JAK2: variants seen among roughly 807,000 people sequenced by gnomAD.
JAK2 encodes the protein Janus kinase 2.
Under a neutral mutation model 139.3 loss-of-function variants are expected in JAK2, and 86 were observed. The observed-to-expected ratio is 0.62, with a 90% CI of 0.52 to 0.74. JAK2 has a LOEUF of 0.74. Among genes scored for constraint, JAK2 ranks in the 30% least tolerant of loss-of-function variants. The probability of loss-of-function intolerance (pLI) is 0.00; values close to 1 mark genes in which losing one functional copy is unlikely to be tolerated. For synonymous variants in JAK2, 490 were observed against 437.7 expected, an observed-to-expected ratio of 1.12 and a Z score of -1.49; for missense variants, 1,421 against 1,360.3, an observed-to-expected ratio of 1.04 and a Z score of -0.70.
chr9:5,032,825 A>G (rs950819367), intron 4 of JAK2, among the ~76,000 whole-genome samples: 1 of 152,218 alleles, frequency 6.6e-6, no homozygotes, highest in Non-Finnish European at 1.5e-5. Flanking sequence ...TGGAAACTCT[A>G]AAAATGAGAG....
intron 14 of JAK2, 138 bp from the exon 15 acceptor site, chr9:5,077,315 T>G (rs1819372453): frequency 1.0e-5 from 3 of 299,692 alleles, no homozygotes; most frequent in Non-Finnish European, 1.8e-5. Flanking sequence ...ATCCATTAAG[T>G]TTTCTTTAAA....
chr9:5,069,501 A>C (rs925776800), intron 11 of JAK2, among the ~76,000 whole-genome samples: 1 of 152,162 alleles, frequency 6.6e-6, no homozygotes, highest in Non-Finnish European at 1.5e-5. Flanking sequence ...TGTTGTTTTA[A>C]GTAAAAATTT....
intron 23 of JAK2, among the ~76,000 whole-genome samples, chr9:5,125,714 T>C (rs1823940354): frequency 3.0e-5 from 2 of 66,480 alleles, no homozygotes; most frequent in African/African-American, 1.2e-4. Flanking sequence ...TATATATATT[T>C]TAATTTCCAT....
At chr9:5,102,277 A>T (rs1393663056) in intron 22 of JAK2, among the ~76,000 whole-genome samples, 1 of 152,196 alleles carries the variant, frequency 6.6e-6, no homozygotes, top group Non-Finnish European at 1.5e-5. Context: ...GATCAAGTGG[A>T]AGAAAGGGTA....
intron 2 of JAK2, among the ~76,000 whole-genome samples, chr9:4,999,700 T>C (rs1043813448): frequency 6.6e-6 from 1 of 152,048 alleles, no homozygotes; most frequent in African/African-American, 2.4e-5. Flanking sequence ...CCACCCATCT[T>C]GGCCTCCCAA....
rs940001947 is a variant in JAK2 at position 4,985,438 on chromosome 9, A to C, written c.-301A>C. ...TCGGGGCTGAGGGCTGCTGCGGCGCAGGGAGAGGCCTGGTCCTCGCTGCCG... is the reference window on the plus strand; with the variant it reads ...TCGGGGCTGAGGGCTGCTGCGGCGCCGGGAGAGGCCTGGTCCTCGCTGCCG... On this transcript the variant is annotated 5_prime_UTR_variant, in exon 1 of 25. Coordinates refer to ENST00000381652, the MANE Select transcript of JAK2 (RefSeq NM_004972.4). 1.3e-5 allele frequency: 2 copies of C among 152,462 alleles called. No homozygotes were observed. Among genetic ancestry groups the C allele is most frequent in the African/African-American group, 4.8e-5 (2 of 41,450 alleles). 9.4% of individuals were successfully genotyped at this position (152,462 alleles called of 1,614,324 possible). A position where few individuals can be genotyped will look rare whatever the true frequency, so the allele number is the denominator to read the frequency against.
chr9:5,057,628 G>C (rs577272897), intron 8 of JAK2, among the ~76,000 whole-genome samples: 6 of 144,200 alleles, frequency 4.2e-5, no homozygotes, highest in African/African-American at 1.6e-4. Flanking sequence ...TGTCATCCAG[G>C]CTGGAGCACA....
chr9:5,080,175 A>C, intron 16 of JAK2, 54 bp from the exon 17 acceptor site: 2 of 1,303,204 alleles, frequency 1.5e-6, no homozygotes, highest in Non-Finnish European at 2.1e-6. Flanking sequence ...TACATATAAA[A>C]GATTGGTTTA....
In JAK2 at chr9:5,129,553, A is replaced by G. The variant is rs115472299; in HGVS notation, c.*2762A>G. ...TGTACTAAGAATCAGTTTGCTGTAT[A>G]TTAGAATAAATAGTAACAGTAAGTC... On this transcript the variant is annotated 3_prime_UTR_variant, in exon 25 of 25. Coordinates refer to ENST00000381652, the MANE Select transcript of JAK2 (RefSeq NM_004972.4). 5.4e-4 allele frequency among the ~76,000 whole-genome samples: 82 copies of G among 152,276 alleles called. No individual in the cohort carries two copies. Among genetic ancestry groups the G allele is most frequent in the African/African-American group, 1.8e-3 (75 of 41,576 alleles).
intron 12 of JAK2, among the ~76,000 whole-genome samples, chr9:5,071,304 T>C (rs1818935644): frequency 6.6e-6 from 1 of 152,040 alleles, no homozygotes; most frequent in African/African-American, 2.4e-5. Context: ...AAGGAAATAA[T>C]GCAGGATTAA....
intron 2 of JAK2, among the ~76,000 whole-genome samples, chr9:5,001,489 T>G (rs1397291917): frequency 6.6e-6 from 1 of 152,194 alleles, no homozygotes; most frequent in Non-Finnish European, 1.5e-5. Flanking sequence ...TAAATTGCAT[T>G]GATTCATTTT....
rs536754672 is a variant in JAK2 at position 5,052,463 on chromosome 9, T to G, written c.614+1632T>G. Among the ~76,000 whole-genome samples, 5 of 152,218 alleles carry G rather than the reference T, an allele frequency of 3.3e-5. No homozygotes were observed. The South Asian group carries it at 8.3e-4, about 25-fold the overall frequency. ...GTAGATATTAAACATTCATATAAGA[T>G]TCCATGATATTTTAAAAGAGTTTAT... On this transcript the variant is annotated intron_variant, in intron 6 of 24. Coordinates refer to ENST00000381652, the MANE Select transcript of JAK2 (RefSeq NM_004972.4).
Position 5,074,225 on chromosome 9 carries a change from T to G in JAK2, c.1864+440T>G, listed in dbSNP as rs145722286. Among the ~76,000 whole-genome samples the G allele has an allele frequency of 3.6e-3, 541 of 152,262 alleles. 3 individuals carry two copies. Among genetic ancestry groups the G allele is most frequent in the Middle Eastern group, 0.014 (4 of 294 alleles). ...TACTAGATATATTTTTTGGCTAAAT[T>G]TAGGTGTTCACAGAAACTACTAAAA... On this transcript the variant is annotated intron_variant, in intron 14 of 24. Transcript: ENST00000381652.
In JAK2 at chr9:5,090,514, CAT is replaced by C; in HGVS notation, c.2832_2833del (p.His944GlnfsTer47). On this transcript the variant is annotated frameshift_variant, in exon 21 of 25. Transcript: ENST00000381652. LOFTEE classifies it high-confidence loss of function. ...AAGTTTACGAGACTATCTTCAAAAACATAAAGAACGGATAGATCACATAAAAC... is the reference window on the plus strand; with the variant it reads ...AAGTTTACGAGACTATCTTCAAAAACAAAGAACGGATAGATCACATAAAAC... ...YGSLRDYLQK[H>X]KERIDHIKLL... 2 of 1,591,888 alleles carry C rather than the reference CAT, an allele frequency of 1.3e-6. No individual in the cohort carries two copies. Among genetic ancestry groups the C allele is most frequent in the Non-Finnish European group, 1.7e-6 (2 of 1,168,574 alleles).
At chr9:5,053,397 A>G (rs1052683189) in intron 6 of JAK2, among the ~76,000 whole-genome samples, 3 of 152,038 alleles carry the variant, frequency 2.0e-5, no homozygotes, top group Non-Finnish European at 2.9e-5. Context: ...AATCATATTT[A>G]TGATTTGCCA....
chr9:5,086,005 G>A (rs146861108), intron 19 of JAK2: 3 of 839,248 alleles, frequency 3.6e-6, no homozygotes, highest in African/African-American at 3.3e-5. Context: ...TGATGAAACT[G>A]TGATATACTA....
intron 22 of JAK2, 42 bp from the exon 23 acceptor site, chr9:5,122,962 T>C (rs1217552921): frequency 1.6e-6 from 2 of 1,272,902 alleles, no homozygotes; most frequent in Non-Finnish European, 2.2e-6. Context: ...AGAGTCCACA[T>C]ATCAAGTAAC....
intron 22 of JAK2, chr9:5,107,930 T>TA (rs1822104447): frequency 6.6e-6 from 1 of 152,174 alleles, no homozygotes; most frequent in South Asian, 2.1e-4. Context: ...ACTTCAGTGC[T>TA]AAAAATTATT....
Position 5,127,281 on chromosome 9 carries a change from T to G in JAK2, c.*490T>G, listed in dbSNP as rs982886865. 1 of 232,550 alleles carries G rather than the reference T, an allele frequency of 4.3e-6. No homozygotes were observed. The highest frequency in any genetic ancestry group is 2.2e-5 in the African/African-American group (1 of 45,410). The allele number at this position is 232,550 out of a possible 1,614,324, so 14.4% of individuals were successfully genotyped here. A position where few individuals can be genotyped will look rare whatever the true frequency, so the allele number is the denominator to read the frequency against. On this transcript the variant is annotated 3_prime_UTR_variant, in exon 25 of 25. Coordinates refer to ENST00000381652, the MANE Select transcript of JAK2 (RefSeq NM_004972.4). The stretch of plus-strand genomic sequence containing the variant: ...CCATAGTTAATCTATAATTAATTAC[T>G]TCACTATACAAACAAATTAAGATGT...
Sources: gnomAD v4.1 joint callset for allele counts (sites outside exome capture counted in the v4.1 genomes callset) on GRCh38, gnomAD v4.1.1 for gene constraint, MANE v1.5 for transcripts, NCBI Gene and HGNC (gene_info 2026-07-23, HGNC 2026-07-21) for gene names.